The following RSPO2 variants were observed in gnomAD, a reference collection of about 807,000 sequenced individuals.
RSPO2 encodes the protein R-spondin 2, also known as R-spondin-2.
A neutral mutation model predicts 30.9 loss-of-function variants in RSPO2; 14 were observed. That is an observed-to-expected ratio of 0.45 (90% confidence interval 0.30 to 0.71). The LOEUF (loss-of-function observed/expected upper bound fraction) is 0.71. RSPO2 is among the 30% of genes least tolerant of loss of function. RSPO2 has a pLI of 0.08. For synonymous variants in RSPO2, 107 were observed against 96.4 expected (o/e 1.11, Z -0.64); for missense variants, 264 against 301.9 (o/e 0.87, Z 0.93).
At position 107,984,111 on chromosome 8, in the gene RSPO2, G is replaced by A. The variant is rs570045332; in HGVS notation, c.283+4945C>T. On this transcript the variant is annotated intron_variant, in intron 3 of 5. Coordinates refer to ENST00000276659, the MANE Select transcript of RSPO2 (RefSeq NM_178565.5). ...ACTGTGGGAGCAGAGGCATTGCCAG[G>A]ACTTGGGAAACAGTCACTGTGAAAT... is the stretch of plus-strand genomic sequence containing the variant. The A allele has an allele frequency of 3.2e-3, 1,461 of 459,334 alleles. 5 individuals carry two copies. The highest frequency in any genetic ancestry group is 4.2e-3 in the Non-Finnish European group (1,095 of 259,042). The allele number at this position is 459,334 out of a possible 1,614,324, so 28.5% of individuals were successfully genotyped here.
At chr8:107,981,773 T>C (rs1814443593) in intron 3 of RSPO2, among the ~76,000 whole-genome samples, 1 of 152,084 alleles carries the variant, frequency 6.6e-6, no homozygotes, top group Admixed American at 6.6e-5. Flanking sequence ...AGTGGGAGGA[T>C]TGTTTCAGGC....
rs9693129 is a variant in RSPO2, at chr8:108,060,829, A to T, written c.94+21716T>A. Among the ~76,000 whole-genome samples, 16 of 151,672 alleles carry T rather than the reference A, an allele frequency of 1.1e-4. 1 individual carries two copies. Among genetic ancestry groups the T allele is most frequent in the East Asian group, 3.9e-4 (2 of 5,166 alleles). Reference sequence around the variant, plus strand: ...AAGGGAAGCCCATCAGACTAACAGCAGATCTCTCAAAAGAACCTCTACAAG... The same window carrying T: ...AAGGGAAGCCCATCAGACTAACAGCTGATCTCTCAAAAGAACCTCTACAAG... On this transcript the variant is annotated intron_variant, in intron 2 of 5. Transcript: ENST00000276659.
At chr8:107,902,480 A>G (rs1032028808) in intron 5 of RSPO2, among the ~76,000 whole-genome samples, 4 of 152,114 alleles carry the variant, frequency 2.6e-5, no homozygotes, top group African/African-American at 9.7e-5. Context: ...TAGCAGGCCA[A>G]TTTTTCAATC....
chr8:108,018,506 T>C (rs1810962938), intron 2 of RSPO2, among the ~76,000 whole-genome samples: 1 of 152,212 alleles, frequency 6.6e-6, no homozygotes, highest in African/African-American at 2.4e-5. Context: ...ACAATACATG[T>C]ATGATTTTAA....
chr8:108,044,621 A>T (rs1811856905), intron 2 of RSPO2, among the ~76,000 whole-genome samples: 1 of 152,122 alleles, frequency 6.6e-6, no homozygotes, highest in South Asian at 2.1e-4. Context: ...ATTGATGGGC[A>T]TCTAGATTGA....
At chr8:107,921,810 C>T (rs1405535002) in intron 5 of RSPO2, among the ~76,000 whole-genome samples, 1 of 152,106 alleles carries the variant, frequency 6.6e-6, no homozygotes, top group African/African-American at 2.4e-5. Context: ...ATATGCAAAT[C>T]AATACCAGTG....
chr8:108,072,971 A>T (rs1378712607), intron 2 of RSPO2: 4 of 152,202 alleles, frequency 2.6e-5, no homozygotes, highest in Non-Finnish European at 5.9e-5. Flanking sequence ...TGAATTTAAA[A>T]AATAAAATAA....
intron 2 of RSPO2, among the ~76,000 whole-genome samples, chr8:108,035,693 G>A (rs144803821): frequency 5.9e-5 from 9 of 152,126 alleles, no homozygotes; most frequent in East Asian, 1.9e-4. Context: ...GGATGGTTTC[G>A]ATCTCCTGAC....
intron 2 of RSPO2, among the ~76,000 whole-genome samples, chr8:108,044,383 CCT>C (rs1811846774): frequency 6.6e-6 from 1 of 152,036 alleles, no homozygotes; most frequent in Non-Finnish European, 1.5e-5. Flanking sequence ...CAATTACCCC[CCT>C]CTCTGTGCAC....
intron 3 of RSPO2, among the ~76,000 whole-genome samples, chr8:107,963,522 CAAAAAAAAAAAAAA>C (rs61697128): frequency 6.2e-5 from 2 of 32,014 alleles, no homozygotes; most frequent in Non-Finnish European, 9.9e-5. Flanking sequence ...AGACCTGTCT[CAAAAAAAAAAAAAA>C]AAAAAAAAAA....
At chr8:107,984,417 A>C (rs1209174712) in intron 3 of RSPO2, among the ~76,000 whole-genome samples, 1 of 152,230 alleles carries the variant, frequency 6.6e-6, no homozygotes, top group East Asian at 1.9e-4. Flanking sequence ...AACTGTATGC[A>C]CTTTGTTAAT....
chr8:108,063,165 T>C (rs1812533453), intron 2 of RSPO2, among the ~76,000 whole-genome samples: 1 of 151,756 alleles, frequency 6.6e-6, no homozygotes, highest in African/African-American at 2.4e-5. Context: ...CAAAATAGTG[T>C]TGGAAGTTCT....
chr8:108,068,105 T>A (rs1812729264), intron 2 of RSPO2, among the ~76,000 whole-genome samples: 2 of 152,128 alleles, frequency 1.3e-5, no homozygotes, highest in Non-Finnish European at 2.9e-5. Context: ...AACTGAATGT[T>A]CAGCTTCAGC....
rs78683209 is a variant in RSPO2, at chr8:108,036,400, C to T, written c.94+46145G>A. 3.0e-3 allele frequency among the ~76,000 whole-genome samples: 454 copies of T among 152,242 alleles called. 2 individuals are homozygous for T. The highest frequency in any genetic ancestry group is 6.8e-3 in the South Asian group (33 of 4,818). On this transcript the variant is annotated intron_variant, in intron 2 of 5. Transcript: ENST00000276659. ...ATATATAGCAAAAGATCCTCTCTGC[C>T]CCCTCTGCAAAACTGACCATCTTTC...
intron 3 of RSPO2, among the ~76,000 whole-genome samples, chr8:107,962,699 A>G (rs1048840895): frequency 3.9e-5 from 6 of 152,294 alleles, no homozygotes; most frequent in South Asian, 2.1e-4. Context: ...TATTTTTTTA[A>G]AAAACAAGCA....
At chr8:107,957,671 T>G (rs1198047662) in intron 5 of RSPO2, among the ~76,000 whole-genome samples, 1 of 152,196 alleles carries the variant, frequency 6.6e-6, no homozygotes, top group Non-Finnish European at 1.5e-5. Flanking sequence ...ATACAGATGA[T>G]TTTACAGACT....
chr8:107,983,235 T>C, intron 3 of RSPO2: 1 of 1,581,078 alleles, frequency 6.3e-7, no homozygotes, highest in Middle Eastern at 2.3e-4. Flanking sequence ...CTGCAGCGTA[T>C]CTTTCTGAAG....
chr8:107,966,451 C>T (rs186995512), intron 3 of RSPO2, among the ~76,000 whole-genome samples: 18 of 152,246 alleles, frequency 1.2e-4, no homozygotes, highest in African/African-American at 2.6e-4. Flanking sequence ...AAAGACACAG[C>T]GAGCTGGAGA....
At chr8:107,983,620 G>A (rs1416392518) in intron 3 of RSPO2, 34 of 1,595,902 alleles carry the variant, frequency 2.1e-5, no homozygotes, top group Non-Finnish European at 2.8e-5. Flanking sequence ...AACAATTATA[G>A]AGGAGCAGGC....
Sources: gnomAD v4.1 joint callset for allele counts (sites outside exome capture counted in the v4.1 genomes callset) on GRCh38, gnomAD v4.1.1 for gene constraint, MANE v1.5 for transcripts, NCBI Gene and HGNC (gene_info 2026-07-23, HGNC 2026-07-21) for gene names.